The following RAP1B variants were observed in gnomAD, a reference collection of about 807,000 sequenced individuals.
The protein encoded by RAP1B is ras-related protein Rap-1b.
In RAP1B, 1 loss-of-function variant was observed where a neutral mutation model predicts 27.5. The observed-to-expected ratio is 0.04, with a 90% confidence interval of 0.01 to 0.17. The LOEUF is 0.17. Ranked by LOEUF, RAP1B falls within the 10% of genes least tolerant of loss-of-function variation. The probability of loss-of-function intolerance (pLI) is 1.00; values close to 1 mark genes in which losing one functional copy is unlikely to be tolerated. For synonymous variants in RAP1B, 75 were observed against 73.1 expected, an observed-to-expected ratio of 1.03 and a Z score of -0.13; for missense variants, 84 against 214.8, an observed-to-expected ratio of 0.39 and a Z score of 3.81.
At position 68,671,642 on chromosome 12, in the gene RAP1B, T is replaced by C. The variant is rs960343114; in HGVS notation, c.*12393T>C. 3.3e-5 allele frequency: 5 copies of C among 152,208 alleles called. No individual in the cohort carries two copies. In the East Asian group the frequency reaches 9.7e-4, roughly 29 times the overall value. 9.4% of individuals were successfully genotyped at this position (152,208 alleles called of 1,614,324 possible). A position where few individuals can be genotyped will look rare whatever the true frequency, so the allele number is the denominator to read the frequency against. ...ATATTTACCAAGTTGTTAATATGCA[T>C]TACCTGACATGGTGATATAGGAGTA... On this transcript the variant is annotated 3_prime_UTR_variant, in exon 8 of 8. Coordinates refer to ENST00000250559, the MANE Select transcript of RAP1B (RefSeq NM_001010942.3).
intron 1 of RAP1B, among the ~76,000 whole-genome samples, chr12:68,616,435 C>T (rs1187822015): frequency 2.5e-4 from 34 of 136,742 alleles, no homozygotes; most frequent in African/African-American, 9.5e-4. Flanking sequence ...CTGTGCCTGG[C>T]TAATTTTTTT....
At chr12:68,637,611 A>C (rs1236581717) in intron 1 of RAP1B, among the ~76,000 whole-genome samples, 1 of 149,582 alleles carries the variant, frequency 6.7e-6, no homozygotes, top group Non-Finnish European at 1.5e-5. Context: ...AAAAAAAAAA[A>C]AAAAAAAAAA....
chr12:68,617,673 T>A (rs1425127906), intron 1 of RAP1B, among the ~76,000 whole-genome samples: 3 of 152,204 alleles, frequency 2.0e-5, no homozygotes, highest in Non-Finnish European at 2.9e-5. Flanking sequence ...CCTTGCCTCC[T>A]CAGTGAGAAT....
intron 1 of RAP1B, among the ~76,000 whole-genome samples, chr12:68,613,493 T>C (rs1449992582): frequency 6.6e-6 from 1 of 152,128 alleles, no homozygotes. Context: ...TTACCTTCTA[T>C]GACACGCATT....
At position 68,662,308 on chromosome 12, in the gene RAP1B, A is replaced by G. The variant is rs1874642943; in HGVS notation, c.*3059A>G. ...TTCACGTCCCCAAGGATACTTGAAG[A>G]AACTTGAGTTTTAGGAGAAAATCAG... On this transcript the variant is annotated 3_prime_UTR_variant, in exon 8 of 8. Coordinates refer to ENST00000250559, the MANE Select transcript of RAP1B (RefSeq NM_001010942.3). 1.3e-5 allele frequency: 2 copies of G among 151,910 alleles called. No individual in the cohort carries two copies. Among genetic ancestry groups the G allele is most frequent in the South Asian group, 4.1e-4 (2 of 4,828 alleles). 9.4% of individuals were successfully genotyped at this position (151,910 alleles called of 1,614,324 possible).
At chr12:68,612,053 G>T (rs1006758895) in intron 1 of RAP1B, among the ~76,000 whole-genome samples, 3 of 152,110 alleles carry the variant, frequency 2.0e-5, no homozygotes, top group Admixed American at 1.3e-4. Context: ...CTTCTGATTG[G>T]TATGAATAGA....
chr12:68,618,235 C>T (rs984065239), intron 1 of RAP1B, among the ~76,000 whole-genome samples: 6 of 151,764 alleles, frequency 4.0e-5, no homozygotes, highest in Middle Eastern at 3.4e-3. Context: ...TACAGGCATG[C>T]GCCACCACGC....
chr12:68,612,624 T>G (rs2135903618), intron 1 of RAP1B, among the ~76,000 whole-genome samples: 1 of 152,346 alleles, frequency 6.6e-6, no homozygotes, highest in South Asian at 2.1e-4. Context: ...ATTCTTCCCA[T>G]ATCGCACTTT....
At chr12:68,639,874 G>A (rs1329711690) in intron 1 of RAP1B, among the ~76,000 whole-genome samples, 2 of 149,640 alleles carry the variant, frequency 1.3e-5, no homozygotes, top group Non-Finnish European at 3.0e-5. Flanking sequence ...ACTGAGTCCT[G>A]CTCTGTGCTA....
chr12:68,614,539 A>G (rs1870840210), intron 1 of RAP1B, among the ~76,000 whole-genome samples: 1 of 152,202 alleles, frequency 6.6e-6, no homozygotes. Context: ...TTAGGTAAAG[A>G]TTGGTCTGTC....
chr12:68,637,230 A>C (rs1872686950), intron 1 of RAP1B, among the ~76,000 whole-genome samples: 2 of 152,190 alleles, frequency 1.3e-5, no homozygotes, highest in South Asian at 4.1e-4. Context: ...AATCTTTAAT[A>C]AACAGTGTAC....
At chr12:68,648,898 A>G in intron 2 of RAP1B, 117 bp downstream of exon 2, 1 of 907,458 alleles carries the variant, frequency 1.1e-6, no homozygotes, top group East Asian at 2.7e-5. Context: ...CTTTAGAAGC[A>G]ATATAATATT....
At chr12:68,629,258 C>T (rs556278223) in intron 1 of RAP1B, among the ~76,000 whole-genome samples, 7 of 152,288 alleles carry the variant, frequency 4.6e-5, no homozygotes, top group African/African-American at 1.7e-4. Context: ...GGATTACAGG[C>T]GTGAGCCCTT....
chr12:68,627,058 G>A (rs946233149), intron 1 of RAP1B: 48 of 1,593,310 alleles, frequency 3.0e-5, no homozygotes, highest in Middle Eastern at 2.0e-4. Context: ...TTGGCCCTGC[G>A]CAGGGCCTCA....
chr12:68,659,154 T>C (rs1341202995), intron 7 of RAP1B, 126 bp from the exon 8 acceptor site: 9 of 399,080 alleles, frequency 2.3e-5, no homozygotes, highest in Non-Finnish European at 4.4e-5. Context: ...ACTAATGTAA[T>C]GCCTAGAACA....
intron 2 of RAP1B, 155 bp from the exon 3 acceptor site, chr12:68,650,245 T>G (rs1313107248): frequency 1.7e-6 from 1 of 576,180 alleles, no homozygotes; most frequent in Non-Finnish European, 2.7e-6. Context: ...GAGGTAATTT[T>G]CTTACCAAAT....
At chr12:68,636,963 T>G (rs1429986185) in intron 1 of RAP1B, among the ~76,000 whole-genome samples, 1 of 152,052 alleles carries the variant, frequency 6.6e-6, no homozygotes, top group Admixed American at 6.6e-5. Flanking sequence ...CTGTCCCTAC[T>G]TTTTTTAATG....
At chr12:68,628,678 A>G (rs896318870) in intron 1 of RAP1B, among the ~76,000 whole-genome samples, 1 of 152,092 alleles carries the variant, frequency 6.6e-6, no homozygotes, top group Non-Finnish European at 1.5e-5. Context: ...GGTAGATCCA[A>G]GCTTTTCATG....
At chr12:68,614,392 G>C (rs1215498400) in intron 1 of RAP1B, among the ~76,000 whole-genome samples, 2 of 152,180 alleles carry the variant, frequency 1.3e-5, no homozygotes, top group Non-Finnish European at 2.9e-5. Flanking sequence ...CTGTATGTTT[G>C]TGTTGCTAAA....
Sources: gnomAD v4.1 joint callset for allele counts (sites outside exome capture counted in the v4.1 genomes callset) on GRCh38, gnomAD v4.1.1 for gene constraint, MANE v1.5 for transcripts, NCBI Gene and HGNC (gene_info 2026-07-23, HGNC 2026-07-21) for gene names.